Variants in SHANK1 observed in about 807,000 individuals in gnomAD.
The protein encoded by SHANK1 is SH3 and multiple ankyrin repeat domains 1, also known as SH3 and multiple ankyrin repeat domains protein 1.
In SHANK1, 35 loss-of-function variants were observed where a neutral mutation model predicts 165.6. The ratio of observed to expected loss-of-function variants is 0.21; its 90% confidence interval spans 0.16 to 0.28. The LOEUF (loss-of-function observed/expected upper bound fraction) is 0.28, where lower values mean the gene tolerates loss of function less well. Among genes scored for constraint, SHANK1 ranks in the 10% least tolerant of loss-of-function variants. The pLI, the probability that SHANK1 is intolerant of heterozygous loss-of-function variation, is 1.00. For synonymous variants in SHANK1, 1,428 were observed against 1,384.8 expected (o/e 1.03, Z -0.69); for missense variants, 2,681 against 3,036.4 (o/e 0.88, Z 2.75).
rs1045897598 is a variant in SHANK1, at chr19:50,660,119, G to A, written c.*1846C>T. 2.0e-5 allele frequency among the ~76,000 whole-genome samples: 1 copy of A among 49,430 alleles called. No homozygotes were observed. The highest frequency in any genetic ancestry group is 3.5e-5 in the Non-Finnish European group (1 of 28,516). The allele number at this position is 49,430 out of a possible 152,430, so 32.4% of individuals were successfully genotyped here. A position where few individuals can be genotyped will look rare whatever the true frequency, so the allele number is the denominator to read the frequency against. On this transcript the variant is annotated 3_prime_UTR_variant, in exon 24 of 24. Transcript: ENST00000293441. ...GCTCCCTTCTTTGGCAGCTGAACAT[G>A]GGGGGGGGACCTGAGGGCAACGCCC...
At position 50,718,863 on chromosome 19, in the gene SHANK1, C is replaced by A. The variant is rs1483739486; in HGVS notation, c.-44+543G>T. Among the ~76,000 whole-genome samples the A allele has an allele frequency of 2.7e-5, 4 of 150,684 alleles. No homozygotes were observed. The highest frequency in any genetic ancestry group is 9.8e-5 in the African/African-American group (4 of 40,880). ...CGGGGGCGGGAGCCGAGGGGGCGCG[C>A]CGGCCGGCGGTGTAGGGACTGGAGA... On this transcript the variant is annotated intron_variant, in intron 1 of 23. Transcript: ENST00000293441. This position sits in a 1 kb window ranked among gnomAD's most constrained non-coding sequence, Gnocchi z 5.1.
intron 12 of SHANK1, among the ~76,000 whole-genome samples, chr19:50,700,380 C>A (rs1986881436): frequency 6.8e-6 from 1 of 146,306 alleles, no homozygotes; most frequent in Non-Finnish European, 1.5e-5. Context: ...TTGGAGAGCT[C>A]AGGGCATTGG....
Position 50,659,257 on chromosome 19 carries a change from G to A in SHANK1, c.*2708C>T. On this transcript the variant is annotated 3_prime_UTR_variant, in exon 24 of 24. Coordinates refer to ENST00000293441, the MANE Select transcript of SHANK1 (RefSeq NM_016148.5). ...CCCAGGAAGGAGGCGGGGCCGGCTC[G>A]AGGGGGTGGATACTGTGAGTTTAAT... 2.4e-6 allele frequency: 2 copies of A among 817,866 alleles called. No individual in the cohort carries two copies. The highest frequency in any genetic ancestry group is 3.3e-6 in the Non-Finnish European group (2 of 601,742). 50.7% of individuals were successfully genotyped at this position (817,866 alleles called of 1,614,324 possible).
At position 50,668,746 on chromosome 19, in the gene SHANK1, C is replaced by T. The variant is rs1985671346; in HGVS notation, c.3214G>A (p.Gly1072Arg). 2.4e-6 allele frequency: 3 copies of T among 1,275,658 alleles called. No individual in the cohort carries two copies. The highest frequency in any genetic ancestry group is 3.0e-5 in the South Asian group (1 of 33,780). The allele number at this position is 1,275,658 out of a possible 1,614,324, so 79.0% of individuals were successfully genotyped here. A position where few individuals can be genotyped will look rare whatever the true frequency, so the allele number is the denominator to read the frequency against. The change falls in exon 23 of 24, where the codon GGG becomes AGG. Residue 1072 changes from glycine to arginine, a missense_variant. Coordinates refer to ENST00000293441, the MANE Select transcript of SHANK1 (RefSeq NM_016148.5). ...PSPSHHGSAG[G>R]GGGSSQGPAL... ...GGGCCCTGGGAGGAGCCGCCGCCCC[C>T]GCCCGCGCTGCCGTGGTGCGATGGG... is the stretch of plus-strand genomic sequence containing the variant.
In SHANK1 at chr19:50,714,219, C is replaced by T; in HGVS notation, c.603G>A (p.Lys201=). ...TSDKVARLLD[K]GLDPNYHDSD... The stretch of plus-strand genomic sequence containing the variant: ...AGTCATGGTAATTGGGGTCCAGCCC[C>T]TTGTCCAGCAGCCGCGCCACCTTGT... Residue 201 remains lysine, a synonymous_variant, in exon 5 of 24, where the codon AAG becomes AAA. Coordinates refer to ENST00000293441, the MANE Select transcript of SHANK1 (RefSeq NM_016148.5). 1 of 1,614,188 alleles carries T rather than the reference C, an allele frequency of 6.2e-7. No homozygotes were observed. Among genetic ancestry groups the T allele is most frequent in the Non-Finnish European group, 8.5e-7 (1 of 1,180,026 alleles).
intron 8 of SHANK1, among the ~76,000 whole-genome samples, chr19:50,708,552 A>C (rs1267790787): frequency 3.5e-5 from 5 of 141,368 alleles, no homozygotes; most frequent in African/African-American, 1.3e-4. Context: ...CACATCCCCA[A>C]GGCCTGGTGC....
chr19:50,691,291 A>G (rs35259530), intron 15 of SHANK1, among the ~76,000 whole-genome samples: 36,398 of 151,936 alleles, frequency 0.24, 4,503 homozygotes, highest in Middle Eastern at 0.36. Flanking sequence ...CTAACCATGC[A>G]TTCTGTAATG....
Position 50,697,071 on chromosome 19 carries a change from C to A in SHANK1, c.1964+25G>T. 6.4e-7 allele frequency: 1 copy of A among 1,570,320 alleles called. No homozygotes were observed. Among genetic ancestry groups the A allele is most frequent in the Non-Finnish European group, 8.7e-7 (1 of 1,143,052 alleles). ...CCCGTCCTTCCCCTCCTGACCCCAT[C>A]CCCTCCCTGCCCCTCGCCTCTCACC... is the stretch of plus-strand genomic sequence containing the variant. On this transcript the variant is annotated intron_variant, in intron 15 of 23. Coordinates refer to ENST00000293441, the MANE Select transcript of SHANK1 (RefSeq NM_016148.5). The surrounding 1 kb of genome is among the most constrained non-coding windows in gnomAD (Gnocchi z 4.7).
At chr19:50,682,244 C>T (rs1416645780) in intron 21 of SHANK1, among the ~76,000 whole-genome samples, 1 of 151,628 alleles carries the variant, frequency 6.6e-6, no homozygotes, top group African/African-American at 2.4e-5. Context: ...TTAGTAGAGA[C>T]GGGGTTTCAC....
At chr19:50,711,774 G>A (rs1419167926) in intron 7 of SHANK1, among the ~76,000 whole-genome samples, 173 bp downstream of exon 7, 5 of 152,188 alleles carry the variant, frequency 3.3e-5, no homozygotes, top group Non-Finnish European at 7.4e-5. Context: ...CCCAGCCTAT[G>A]CCCCCTTAGG....
chr19:50,716,882 C>A lies in SHANK1; in HGVS notation c.38G>T (p.Arg13Leu). The A allele has an allele frequency of 6.8e-7, 1 of 1,476,232 alleles. No individual in the cohort carries two copies. The highest frequency in any genetic ancestry group is 9.0e-7 in the Non-Finnish European group (1 of 1,112,622). 91.4% of individuals were successfully genotyped at this position (1,476,232 alleles called of 1,614,324 possible). The change falls in exon 2 of 24, where the codon CGC (arginine) becomes CTC (leucine). Residue 13 changes from arginine to leucine, a missense_variant. Coordinates refer to ENST00000293441, the MANE Select transcript of SHANK1 (RefSeq NM_016148.5). The surrounding 1 kb of genome is among the most constrained non-coding windows in gnomAD (Gnocchi z 8.4). ...HSPATSEDEE[R>L]HSASECPEGG... ...CTCGGGACACTCGCTGGCACTGTGG[C>A]GTTCCTCGTCCTCGCTTGTCGCGGG...
At position 50,668,258 on chromosome 19, in the gene SHANK1, G is replaced by A. The variant is rs758398479; in HGVS notation, c.3702C>T (p.Ala1234=). Residue 1234 remains alanine (A), a synonymous_variant, in exon 23 of 24, where the codon GCC becomes GCT. Transcript: ENST00000293441. ...ATLDFTSQFG[A]ALVGAARREG... is the part of the protein sequence containing the mutation. ...CCCTCCGGGCCGCCCCCACCAGGGCGGCCCCGAACTGGCTCGTGAAGTCCA... is the reference window on the plus strand; with the variant it reads ...CCCTCCGGGCCGCCCCCACCAGGGCAGCCCCGAACTGGCTCGTGAAGTCCA... The A allele has an allele frequency of 2.8e-6, 4 of 1,422,072 alleles. No individual in the cohort carries two copies. The highest frequency in any genetic ancestry group is 2.8e-5 in the East Asian group (1 of 35,150). 88.1% of individuals were successfully genotyped at this position (1,422,072 alleles called of 1,614,324 possible). A position where few individuals can be genotyped will look rare whatever the true frequency, so the allele number is the denominator to read the frequency against.
chr19:50,699,843 G>C (rs1986850862), intron 12 of SHANK1, among the ~76,000 whole-genome samples: 1 of 151,282 alleles, frequency 6.6e-6, no homozygotes, highest in Non-Finnish European at 1.5e-5. Context: ...TAGAGGGTTT[G>C]GGGCATTGGA....
intron 8 of SHANK1, 98 bp downstream of exon 8, chr19:50,711,273 G>A (rs1281186234): frequency 8.7e-6 from 6 of 692,086 alleles, no homozygotes; most frequent in Non-Finnish European, 1.5e-5. Context: ...AGAAGTGGAG[G>A]GTGCAGAGAT....
chr19:50,662,957 T>G lies in SHANK1; in HGVS notation c.5769-275A>C. ...AAGAGACATTAAGTGATAATAATAA[T>G]AATCGTCACCGCTTACTGATGCTCA... On this transcript the variant is annotated intron_variant, in intron 23 of 23. Coordinates refer to ENST00000293441, the MANE Select transcript of SHANK1 (RefSeq NM_016148.5). This position sits in a 1 kb window ranked among gnomAD's most constrained non-coding sequence, Gnocchi z 7.7. The G allele has an allele frequency of 1.0e-5, 5 of 478,038 alleles. No individual in the cohort carries two copies. The highest frequency in any genetic ancestry group is 7.3e-5 in the Admixed American group (2 of 27,236). The allele number at this position is 478,038 out of a possible 1,614,324, so 29.6% of individuals were successfully genotyped here. A position where few individuals can be genotyped will look rare whatever the true frequency, so the allele number is the denominator to read the frequency against.
chr19:50,714,001 C>T (rs1453236144), intron 5 of SHANK1, 52 bp from the exon 6 acceptor site: 10 of 1,602,218 alleles, frequency 6.2e-6, no homozygotes, highest in African/African-American at 2.7e-5. Flanking sequence ...TCCCCTCCAT[C>T]CCTTCCCATT....
chr19:50,684,290 A>G (rs1326437137), intron 21 of SHANK1, among the ~76,000 whole-genome samples: 6 of 151,410 alleles, frequency 4.0e-5, no homozygotes, highest in Admixed American at 1.3e-4. Flanking sequence ...CAATGGTGCG[A>G]TCTCGGCTTA....
intron 21 of SHANK1, among the ~76,000 whole-genome samples, chr19:50,676,753 A>G (rs1291469252): frequency 1.3e-5 from 2 of 152,206 alleles, no homozygotes; most frequent in Non-Finnish European, 2.9e-5. Flanking sequence ...CCTTGGTAAG[A>G]AAATGCCAAT....
rs2089088030 is a variant in SHANK1 at position 50,717,970 on chromosome 19, G to A, written c.-43-1008C>T. On this transcript the variant is annotated intron_variant, in intron 1 of 23. Transcript: ENST00000293441. The surrounding 1 kb of genome is among the most constrained non-coding windows in gnomAD (Gnocchi z 5.5). ...GTGGAGCCCCTTCCAAATGGGGTCC[G>A]CCTCCCTTCTGTTCTCCCCCAACTC... 6.6e-6 allele frequency among the ~76,000 whole-genome samples: 1 copy of A among 152,014 alleles called. No homozygotes were observed. The highest frequency in any genetic ancestry group is 6.5e-5 in the Admixed American group (1 of 15,274).
Sources: allele counts gnomAD v4.1 joint callset (sites outside exome capture counted in the v4.1 genomes callset), GRCh38; gene constraint gnomAD v4.1.1; non-coding constraint Gnocchi (gnomAD v3.1); transcripts MANE v1.5; gene names NCBI Gene and HGNC (gene_info 2026-07-23, HGNC 2026-07-21).